Variants in NHSL1 observed in about 807,000 individuals in gnomAD.
NHSL1 encodes the protein NHS like 1.
NHSL1 carries 48 observed loss-of-function variants against 95.0 expected under a neutral mutation model. That is an observed-to-expected ratio of 0.51 (90% CI 0.40 to 0.64). NHSL1 has a LOEUF of 0.64. Ranked by LOEUF, NHSL1 falls within the 30% of genes least tolerant of loss-of-function variation. The pLI, the probability that NHSL1 is intolerant of heterozygous loss-of-function variation, is 0.00. For synonymous variants in NHSL1, 783 were observed against 833.9 expected, an observed-to-expected ratio of 0.94 and a Z score of 1.05; for missense variants, 1,971 against 2,077.7, an observed-to-expected ratio of 0.95 and a Z score of 1.00.
chr6:138,445,891 A>T (rs762597872), intron 4 of NHSL1, among the ~76,000 whole-genome samples: 20 of 152,216 alleles, frequency 1.3e-4, no homozygotes, highest in Non-Finnish European at 2.4e-4. Flanking sequence ...ACTATTAGTC[A>T]TCTGCTTCCA....
Position 138,431,259 on chromosome 6 carries a change from T to C in NHSL1, c.3086A>G (p.Lys1029Arg), listed in dbSNP as rs1431573286. The C allele has an allele frequency of 2.0e-6, 3 of 1,509,472 alleles. No homozygotes were observed. Among genetic ancestry groups the C allele is most frequent in the Non-Finnish European group, 8.9e-7 (1 of 1,125,100 alleles). 93.5% of individuals were successfully genotyped at this position (1,509,472 alleles called of 1,614,324 possible). The change falls in exon 6 of 8, where the codon AAA becomes AGA. Residue 1029 changes from lysine to arginine, a missense_variant. By Grantham distance (26) the Lys-to-Arg change is conservative. Around this residue, in one of 3 missense-constraint regions of NHSL1, gnomAD observed 1,602 missense variants for 1,654.5 expected, o/e 0.97. Transcript: ENST00000343505. The surrounding 1 kb of genome is among the most constrained non-coding windows in gnomAD (Gnocchi z 4.0). ...AGGCGGCCTGGTGTCTTTCATGAAT[T>C]TGGGGTCAAGAGGTGGGGCAGGTGG... ...EPPPAPPLDP[K>R]FMKDTRPPFT...
chr6:138,620,729 A>T (rs1032757366), intron 1 of NHSL1, among the ~76,000 whole-genome samples: 6 of 152,206 alleles, frequency 3.9e-5, no homozygotes, highest in South Asian at 2.1e-4. Context: ...ACTTAAAAAA[A>T]ATATAATAAT....
At position 138,602,826 on chromosome 6, in the gene NHSL1, A is replaced by T. The variant is rs567407757; in HGVS notation, c.96+89650T>A. Among the ~76,000 whole-genome samples, 4 of 152,338 alleles carry T rather than the reference A, an allele frequency of 2.6e-5. No individual in the cohort carries two copies. The East Asian group carries it at 5.8e-4, about 22-fold the overall frequency. ...GTTCTTTTCATCATTGGTAGGTGTA[A>T]GTGTTTAAAATTACATTCTCCTCAT... On this transcript the variant is annotated intron_variant, in intron 1 of 3. Transcript: ENST00000491526.
intron 1 of NHSL1, among the ~76,000 whole-genome samples, chr6:138,639,063 C>T (rs1007452140): frequency 5.9e-5 from 9 of 152,164 alleles, no homozygotes; most frequent in Non-Finnish European, 2.9e-5. Flanking sequence ...TTCATACTTA[C>T]ATCAGAATTA....
chr6:138,600,111 G>A (rs376680547), intron 1 of NHSL1, among the ~76,000 whole-genome samples: 4 of 151,724 alleles, frequency 2.6e-5, no homozygotes, highest in Admixed American at 2.0e-4. Flanking sequence ...ACCACTGCAC[G>A]CCAGCCTGGG....
At chr6:138,553,878 A>G (rs369742693) in intron 1 of NHSL1, among the ~76,000 whole-genome samples, 1 of 152,234 alleles carries the variant, frequency 6.6e-6, no homozygotes, top group South Asian at 2.1e-4. Context: ...CAACTTCACC[A>G]CAACAAACTC....
intron 1 of NHSL1, among the ~76,000 whole-genome samples, chr6:138,569,280 AGAGAGAAAGAGAGC>A (rs1240533328): frequency 6.6e-6 from 1 of 151,852 alleles, no homozygotes; most frequent in African/African-American, 2.4e-5. Flanking sequence ...TGAGAGAGAG[AGAGAGAAAGAGAGC>A]GAGAGAGAAA....
intron 3 of NHSL1, among the ~76,000 whole-genome samples, chr6:138,462,147 T>C (rs999654457): frequency 2.0e-5 from 3 of 152,224 alleles, no homozygotes; most frequent in Non-Finnish European, 4.4e-5. Flanking sequence ...TGTTTTCTGT[T>C]GCTATAAAAG....
At chr6:138,604,646 G>T (rs1163304403) in intron 1 of NHSL1, among the ~76,000 whole-genome samples, 1 of 151,826 alleles carries the variant, frequency 6.6e-6, no homozygotes, top group African/African-American at 2.4e-5. Flanking sequence ...AATTTTTTTT[G>T]AGACAGTCTC....
intron 5 of NHSL1, among the ~76,000 whole-genome samples, chr6:138,439,390 G>T (rs534848071): frequency 2.0e-5 from 3 of 152,118 alleles, no homozygotes; most frequent in South Asian, 4.1e-4. Flanking sequence ...GTCTATTTTT[G>T]ATCATCATTA....
chr6:138,458,921 G>A (rs185239101), intron 3 of NHSL1, among the ~76,000 whole-genome samples: 1 of 151,992 alleles, frequency 6.6e-6, no homozygotes, highest in Non-Finnish European at 1.5e-5. Flanking sequence ...TGGGCAGAAT[G>A]GTGAGCTTTC....
At chr6:138,619,173 A>C (rs370242055) in intron 1 of NHSL1, among the ~76,000 whole-genome samples, 4 of 152,128 alleles carry the variant, frequency 2.6e-5, no homozygotes, top group Admixed American at 6.5e-5. Context: ...CCCCATCTCT[A>C]CTAAAAACAC....
chr6:138,684,599 C>G (rs1345057859), intron 1 of NHSL1, among the ~76,000 whole-genome samples: 1 of 152,014 alleles, frequency 6.6e-6, no homozygotes, highest in Non-Finnish European at 1.5e-5. Flanking sequence ...GAGCCAAGAT[C>G]GCGCCACTGC....
chr6:138,651,377 T>C (rs973822769), intron 1 of NHSL1, among the ~76,000 whole-genome samples: 33 of 152,252 alleles, frequency 2.2e-4, no homozygotes, highest in Admixed American at 1.2e-3. Context: ...CTAATAAGAC[T>C]TTCTTTTTGT....
intron 2 of NHSL1, among the ~76,000 whole-genome samples, chr6:138,484,916 T>G (rs1779629651): frequency 6.6e-6 from 1 of 152,228 alleles, no homozygotes; most frequent in African/African-American, 2.4e-5. Context: ...ACATTTCTTC[T>G]TGTCACATGC....
intron 1 of NHSL1, among the ~76,000 whole-genome samples, chr6:138,543,027 G>A (rs77686956): frequency 0.056 from 8,466 of 152,182 alleles, 752 homozygotes; most frequent in African/African-American, 0.19. Flanking sequence ...GCCTTCTAAA[G>A]CATTCGGATT....
chr6:138,464,405 G>A, intron 3 of NHSL1: 1 of 384,736 alleles, frequency 2.6e-6, no homozygotes, highest in South Asian at 3.4e-5. Context: ...ACAGGTCAGG[G>A]CAGGAAGGCC....
chr6:138,552,039 T>C (rs1216171073), intron 1 of NHSL1, among the ~76,000 whole-genome samples: 5 of 152,230 alleles, frequency 3.3e-5, no homozygotes, highest in Admixed American at 1.3e-4. Context: ...GGCTCTTCAA[T>C]GGCCTCTGGC....
In NHSL1 at chr6:138,430,762, T is replaced by G; in HGVS notation, c.3583A>C (p.Ile1195Leu). ...DSSPSRKPPPISKKPKLFLVV... is the reference protein window; with the variant it reads ...DSSPSRKPPPLSKKPKLFLVV... ...AGGAACAGTTTGGGCTTCTTGGAAA[T>G]GGGGGGTGGCTTCCTGCTGGGTGAA... The change falls in exon 6 of 8, where the codon ATT (isoleucine) becomes CTT (leucine). Residue 1195 changes from isoleucine to leucine, a missense_variant. Around this residue, in one of 3 missense-constraint regions of NHSL1, gnomAD observed 1,602 missense variants for 1,654.5 expected, o/e 0.97. Coordinates refer to ENST00000343505, the MANE Select transcript of NHSL1 (RefSeq NM_001144060.2). The surrounding 1 kb of genome is among the most constrained non-coding windows in gnomAD (Gnocchi z 4.7). 6 of 1,551,454 alleles carry G rather than the reference T, an allele frequency of 3.9e-6. No individual in the cohort carries two copies. Among genetic ancestry groups the G allele is most frequent in the East Asian group, 4.9e-5 (2 of 40,892 alleles).
Sources: gnomAD v4.1 joint callset for allele counts (sites outside exome capture counted in the v4.1 genomes callset) on GRCh38, gnomAD v4.1.1 for gene constraint, gnomAD v4.1.1 regional missense constraint, Gnocchi (gnomAD v3.1) non-coding constraint, MANE v1.5 for transcripts, NCBI Gene and HGNC (gene_info 2026-07-23, HGNC 2026-07-21) for gene names.